STS: variants seen among roughly 807,000 people sequenced by gnomAD.
STS encodes the protein steryl-sulfatase.
Under a neutral mutation model 26.8 loss-of-function variants are expected in STS, and 7 were observed. The observed-to-expected ratio is 0.26, with a 90% CI of 0.15 to 0.49. STS has a LOEUF of 0.49. Ranked by LOEUF, STS falls within the 20% of genes least tolerant of loss-of-function variation. STS has a pLI of 0.98. For missense variants in STS, 434 were observed against 465.6 expected (o/e 0.93, Z 0.63); for synonymous variants, 199 against 189.4 (o/e 1.05, Z -0.42).
At chrX:7,170,937 A>T (rs1174520148) in intron 1 of STS, among the ~76,000 whole-genome samples, 1 of 111,756 alleles carries the variant, frequency 8.9e-6, no homozygotes, top group African/African-American at 3.3e-5. Context: ...TTCCACAAAC[A>T]CCATTGTACT....
At chrX:7,229,081 A>G (rs1296667619) in intron 2 of STS, among the ~76,000 whole-genome samples, 1 of 112,552 alleles carries the variant, frequency 8.9e-6, no homozygotes, top group Non-Finnish European at 1.9e-5. Flanking sequence ...TATAGATGAA[A>G]TATCTAACAT....
intron 2 of STS, among the ~76,000 whole-genome samples, chrX:7,192,737 G>A (rs972535599): frequency 4.5e-5 from 5 of 111,782 alleles, no homozygotes; most frequent in Admixed American, 1.9e-4. Context: ...AGGCAGCTTC[G>A]GGGGTTACGG....
chrX:7,201,121 A>G (rs1341751086), intron 2 of STS, among the ~76,000 whole-genome samples: 1 of 111,467 alleles, frequency 9.0e-6, no homozygotes, highest in African/African-American at 3.3e-5. Context: ...AGACAGATAT[A>G]TAGATAGATG....
intron 10 of STS, among the ~76,000 whole-genome samples, chrX:7,334,446 A>G (rs1312759844): frequency 9.0e-6 from 1 of 111,276 alleles, no homozygotes; most frequent in Non-Finnish European, 1.9e-5. Context: ...TTCACTTCCT[A>G]GCACTCCTCT....
chrX:7,182,713 T>C (rs2147008017), intron 1 of STS, among the ~76,000 whole-genome samples: 1 of 110,957 alleles, frequency 9.0e-6, no homozygotes, highest in East Asian at 2.9e-4. Flanking sequence ...AAATCAGCCT[T>C]GCCTTCCCTG....
chrX:7,285,053 GTGA>G (rs1254604178), intron 7 of STS, among the ~76,000 whole-genome samples: 7 of 110,697 alleles, frequency 6.3e-5, no homozygotes, highest in Non-Finnish European at 1.1e-4. Flanking sequence ...TATGATGATA[GTGA>G]TGATGGTGGT....
At chrX:7,275,865 G>C (rs1268292164) in intron 6 of STS, 86 bp from the exon 7 acceptor site, 26 of 1,065,934 alleles carry the variant, frequency 2.4e-5, no homozygotes, top group Non-Finnish European at 3.1e-5. Context: ...TATGATAATA[G>C]GTGGATCTTA....
intron 1 of STS, among the ~76,000 whole-genome samples, chrX:7,172,677 A>G (rs1169825266): frequency 8.9e-6 from 1 of 112,036 alleles, no homozygotes; most frequent in Non-Finnish European, 1.9e-5. Context: ...ACATGGAAGC[A>G]TGTGGGGTAT....
chrX:7,148,267 C>G (rs995853599), intron 1 of STS, 184 bp downstream of exon 1: 6 of 301,097 alleles, frequency 2.0e-5, no homozygotes, highest in Non-Finnish European at 3.5e-5. Flanking sequence ...CCCGCGCGTC[C>G]TGGGCTGCCT....
chrX:7,234,665 G>A (rs1483582229), intron 2 of STS, among the ~76,000 whole-genome samples: 2 of 111,433 alleles, frequency 1.8e-5, no homozygotes, highest in African/African-American at 6.5e-5. Context: ...TGAAATCTGT[G>A]ACCTAACCCA....
At chrX:7,205,313 T>G (rs1212375698) in intron 2 of STS, among the ~76,000 whole-genome samples, 2 of 112,034 alleles carry the variant, frequency 1.8e-5, no homozygotes, top group African/African-American at 6.5e-5. Context: ...TTCATCACGT[T>G]TTGTTGTTCC....
At chrX:7,165,804 A>G (rs1933337030) in intron 1 of STS, among the ~76,000 whole-genome samples, 1 of 111,766 alleles carries the variant, frequency 8.9e-6, no homozygotes, top group African/African-American at 3.3e-5. Flanking sequence ...TGCTCACTGG[A>G]TGACAATAGC....
intron 7 of STS, among the ~76,000 whole-genome samples, chrX:7,297,845 C>T (rs1221271361): frequency 9.0e-6 from 1 of 111,530 alleles, no homozygotes; most frequent in Admixed American, 9.6e-5. Flanking sequence ...AGATAGGAGC[C>T]ACTCTTCTCT....
At chrX:7,340,915 T>C (rs1405937864) in intron 10 of STS, among the ~76,000 whole-genome samples, 2 of 111,888 alleles carry the variant, frequency 1.8e-5, no homozygotes, top group African/African-American at 6.5e-5. Flanking sequence ...CCAAGGAAGA[T>C]AGTCAGACTC....
chrX:7,205,460 G>C (rs1264374248), intron 2 of STS, among the ~76,000 whole-genome samples: 3 of 111,483 alleles, frequency 2.7e-5, no homozygotes, highest in African/African-American at 6.5e-5. Context: ...TGGGAGCAGA[G>C]ACCTTCAGCT....
intron 1 of STS, 23 bp downstream of exon 1, chrX:7,148,106 G>A (rs1368988584): frequency 8.8e-7 from 1 of 1,130,776 alleles, no homozygotes; most frequent in Non-Finnish European, 1.2e-6. Context: ...CTGCGGGGGC[G>A]CCGCCATGGT....
At chrX:7,229,873 G>A (rs1372121630) in intron 2 of STS, among the ~76,000 whole-genome samples, 1 of 106,347 alleles carries the variant, frequency 9.4e-6, no homozygotes, top group Non-Finnish European at 1.9e-5. Flanking sequence ...TGCATCTTCA[G>A]CCTTTTTTTT....
chrX:7,325,237 G>C (rs1927363923), intron 8 of STS, 102 bp from the exon 9 acceptor site: 3 of 828,989 alleles, frequency 3.6e-6, no homozygotes, highest in South Asian at 2.2e-5. Flanking sequence ...TGTAATTAGA[G>C]CAGTTGGTTC....
intron 6 of STS, among the ~76,000 whole-genome samples, chrX:7,262,812 AAGGT>A (rs1399152724): frequency 8.9e-6 from 1 of 112,075 alleles, no homozygotes; most frequent in East Asian, 2.8e-4. Context: ...GTAAGTAAAA[AAGGT>A]AGGCACACCA....
Sources: gnomAD v4.1 joint callset for allele counts (sites outside exome capture counted in the v4.1 genomes callset) on GRCh38, gnomAD v4.1.1 for gene constraint, MANE v1.5 for transcripts, NCBI Gene and HGNC (gene_info 2026-07-23, HGNC 2026-07-21) for gene names.